Variants in KDM5B observed in about 807,000 individuals in gnomAD.
The protein encoded by KDM5B is lysine demethylase 5B.
KDM5B carries 144 observed loss-of-function variants against 193.4 expected under a neutral mutation model. That is an observed-to-expected ratio of 0.74 (90% CI 0.65 to 0.86). KDM5B has a LOEUF of 0.86. Among genes scored for constraint, KDM5B ranks in the 40% least tolerant of loss-of-function variants. KDM5B has a pLI of 0.00. For missense variants in KDM5B, 1,833 were observed against 1,886.9 expected, an observed-to-expected ratio of 0.97 and a Z score of 0.53; for synonymous variants, 668 against 682.6, an observed-to-expected ratio of 0.98 and a Z score of 0.33.
chr1:202,796,285 G>T (rs1333300638), intron 1 of KDM5B: 3 of 416,420 alleles, frequency 7.2e-6, no homozygotes, highest in Non-Finnish European at 9.7e-6. Flanking sequence ...ATGACCAAAT[G>T]GTCCCCGCTG....
At chr1:202,792,720 G>A (rs1657689367) in intron 1 of KDM5B, among the ~76,000 whole-genome samples, 1 of 152,212 alleles carries the variant, frequency 6.6e-6, no homozygotes, top group Non-Finnish European at 1.5e-5. Context: ...TGTAGGCCGG[G>A]CACAGTGGCC....
Position 202,764,140 on chromosome 1 carries a change from C to A in KDM5B, c.717G>T (p.Met239Ile), listed in dbSNP as rs375360764. The A allele has an allele frequency of 2.0e-6, 3 of 1,510,776 alleles. No homozygotes were observed. The highest frequency in any genetic ancestry group is 1.4e-5 in the African/African-American group (1 of 71,310). 93.6% of individuals were successfully genotyped at this position (1,510,776 alleles called of 1,614,324 possible). A position where few individuals can be genotyped will look rare whatever the true frequency, so the allele number is the denominator to read the frequency against. ...RRAKRMRAEA[M>I]NIKIEPEETT... The stretch of plus-strand genomic sequence containing the variant: ...TCTCCTCGGGTTCTATTTTAATATT[C>A]ATGGCCTTAAAAAAATTGTCATATA... Residue 239 changes from methionine to isoleucine, a missense_variant, in exon 6 of 27, where the codon ATG (methionine) becomes ATT (isoleucine). This residue lies in a region of KDM5B where 355 missense variants were observed against 374.9 expected (regional missense o/e 0.95). Transcript: ENST00000367265.
intron 1 of KDM5B, among the ~76,000 whole-genome samples, chr1:202,792,427 G>A (rs1657677188): frequency 6.6e-6 from 1 of 152,052 alleles, no homozygotes. Flanking sequence ...ACTTTAATGG[G>A]AGGCAGTGGT....
intron 2 of KDM5B, 63 bp from the exon 3 acceptor site, chr1:202,774,798 C>T: frequency 2.0e-6 from 3 of 1,494,112 alleles, no homozygotes; most frequent in Non-Finnish European, 1.8e-6. Context: ...TATTACCTGC[C>T]ATTATTTTCT....
intron 20 of KDM5B, among the ~76,000 whole-genome samples, chr1:202,739,025 C>CACT (rs1655200280): frequency 2.0e-5 from 3 of 152,092 alleles, no homozygotes; most frequent in Admixed American, 2.0e-4. Flanking sequence ...ACTTTTAAGT[C>CACT]ACTACTTCAT....
rs1654670682 is a variant in KDM5B at position 202,726,268 on chromosome 1, C to T, written c.*2768G>A. 6.6e-6 allele frequency: 1 copy of T among 152,216 alleles called. No homozygotes were observed. The highest frequency in any genetic ancestry group is 1.9e-4 in the East Asian group (1 of 5,196). 9.4% of individuals were successfully genotyped at this position (152,216 alleles called of 1,614,324 possible). ...TAACAACCTCCATCACCACAAGTGGCATCTCTCCTTTAGGTTAACTTAAGA... is the reference window on the plus strand; with the variant it reads ...TAACAACCTCCATCACCACAAGTGGTATCTCTCCTTTAGGTTAACTTAAGA... On this transcript the variant is annotated 3_prime_UTR_variant, in exon 27 of 27. Transcript: ENST00000367265.
chr1:202,782,085 C>T (rs1657220923), intron 1 of KDM5B, among the ~76,000 whole-genome samples: 1 of 151,956 alleles, frequency 6.6e-6, no homozygotes, highest in South Asian at 2.1e-4. Context: ...ACATATCTGT[C>T]AATAAGGATG....
intron 26 of KDM5B, chr1:202,729,408 T>C (rs1023513294): frequency 6.6e-6 from 4 of 604,828 alleles, no homozygotes; most frequent in Non-Finnish European, 8.7e-6. Flanking sequence ...CGCTGCCCTG[T>C]GATAAGTAAG....
At chr1:202,792,206 ATT>A (rs1160615139) in intron 1 of KDM5B, among the ~76,000 whole-genome samples, 1 of 142,338 alleles carries the variant, frequency 7.0e-6, no homozygotes, top group Non-Finnish European at 1.6e-5. Flanking sequence ...TCTTATTTTT[ATT>A]TTGTTTTCTA....
chr1:202,738,564 T>A (rs1655182535), intron 20 of KDM5B, among the ~76,000 whole-genome samples: 1 of 152,262 alleles, frequency 6.6e-6, no homozygotes, highest in East Asian at 1.9e-4. Flanking sequence ...TGTCTAGAAT[T>A]GTCCTGTTTG....
chr1:202,763,337 A>T lies in KDM5B; in HGVS notation c.809-529T>A, dbSNP rs569580719. Among the ~76,000 whole-genome samples, 4 of 152,322 alleles carry T rather than the reference A, an allele frequency of 2.6e-5. No homozygotes were observed. In the East Asian group the frequency reaches 7.7e-4, roughly 29 times the overall value. The stretch of plus-strand genomic sequence containing the variant: ...CTCAATGCTTTCCATAAAGTATTTA[A>T]TCCTTCACAACAAACCCATTTCAAA... On this transcript the variant is annotated intron_variant, in intron 6 of 26. Transcript: ENST00000367265.
intron 7 of KDM5B, among the ~76,000 whole-genome samples, chr1:202,760,949 G>A (rs1242838416): frequency 6.6e-6 from 1 of 151,890 alleles, no homozygotes; most frequent in Admixed American, 6.6e-5. Flanking sequence ...GATTTCTTGA[G>A]CCTGGTAGGT....
chr1:202,772,501 A>C (rs1293405793), intron 4 of KDM5B, among the ~76,000 whole-genome samples: 2 of 152,208 alleles, frequency 1.3e-5, no homozygotes, highest in Admixed American at 1.3e-4. Flanking sequence ...TTCATATGAC[A>C]GCCAGGAATA....
intron 1 of KDM5B, among the ~76,000 whole-genome samples, chr1:202,779,699 A>T (rs1657115048): frequency 6.6e-6 from 1 of 151,944 alleles, no homozygotes; most frequent in Admixed American, 6.6e-5. Flanking sequence ...GCTACTCAGG[A>T]GTCTGAGGCA....
Position 202,742,662 on chromosome 1 carries a change from G to A in KDM5B, c.2467C>T (p.Gln823Ter). Residue 823 changes from glutamine to a stop codon, truncating the protein, a stop_gained, in exon 17 of 27, where the codon CAA (glutamine) becomes TAA (stop). Transcript: ENST00000367265. LOFTEE classifies it high-confidence loss of function. ...VAQQLLNGKRQTRYRSGGGKS... is the reference protein window; with the variant it reads ...VAQQLLNGKR Reference sequence around the variant, plus strand: ...GCAGTCAGAAGCGCATACCTAGTTTGCCTTTTGCCATTAAGCAACTGCTGC... The same window carrying A: ...GCAGTCAGAAGCGCATACCTAGTTTACCTTTTGCCATTAAGCAACTGCTGC... 1 of 1,613,980 alleles carries A rather than the reference G, an allele frequency of 6.2e-7. No individual in the cohort carries two copies. Among genetic ancestry groups the A allele is most frequent in the South Asian group, 1.1e-5 (1 of 91,036 alleles).
chr1:202,797,630 T>C (rs1420663144), intron 1 of KDM5B, among the ~76,000 whole-genome samples: 3 of 152,226 alleles, frequency 2.0e-5, no homozygotes, highest in Non-Finnish European at 4.4e-5. Context: ...ACTTCAACTA[T>C]TGACCCCTCC....
intron 20 of KDM5B, among the ~76,000 whole-genome samples, chr1:202,740,466 T>A (rs868418420): frequency 1.3e-5 from 1 of 75,392 alleles, no homozygotes; most frequent in Admixed American, 1.5e-4. Context: ...GCTGACCCCC[T>A]CACCTCCCTC....
chr1:202,805,549 T>C (rs1314730234), intron 1 of KDM5B, among the ~76,000 whole-genome samples: 1 of 152,226 alleles, frequency 6.6e-6, no homozygotes, highest in African/African-American at 2.4e-5. Flanking sequence ...ATAGTTCCAA[T>C]TCCCCTTCTA....
chr1:202,755,733 A>T (rs971454426), intron 10 of KDM5B, among the ~76,000 whole-genome samples: 1 of 152,136 alleles, frequency 6.6e-6, no homozygotes, highest in Non-Finnish European at 1.5e-5. Flanking sequence ...AATCAGGCAA[A>T]CTAATCTATA....
Sources: allele counts gnomAD v4.1 joint callset (sites outside exome capture counted in the v4.1 genomes callset), GRCh38; gene constraint gnomAD v4.1.1; regional missense constraint gnomAD v4.1.1; transcripts MANE v1.5; gene names NCBI Gene and HGNC (gene_info 2026-07-23, HGNC 2026-07-21).